The following AGBL4 variants were observed in gnomAD, a reference collection of about 807,000 sequenced individuals.
AGBL4 encodes the protein AGBL carboxypeptidase 4, also known as cytosolic carboxypeptidase 6.
In AGBL4, 58 loss-of-function variants were observed where a neutral mutation model predicts 66.4. The ratio of observed to expected loss-of-function variants is 0.87; its 90% CI spans 0.71 to 1.09. AGBL4 has a LOEUF of 1.09. Ranked by LOEUF, AGBL4 falls within the 50% of genes least tolerant of loss-of-function variation. AGBL4 has a pLI of 0.00. For synonymous variants in AGBL4, 234 were observed against 222.9 expected (o/e 1.05, Z -0.44); for missense variants, 579 against 631.0 (o/e 0.92, Z 0.88).
intron 2 of AGBL4, among the ~76,000 whole-genome samples, chr1:49,783,499 T>C (rs1248569698): frequency 6.6e-6 from 1 of 152,140 alleles, no homozygotes; most frequent in African/African-American, 2.4e-5. Flanking sequence ...AAAGGTACTC[T>C]CTCAACCTGA....
At chr1:49,941,224 G>T (rs1654727710) in intron 1 of AGBL4, among the ~76,000 whole-genome samples, 1 of 152,134 alleles carries the variant, frequency 6.6e-6, no homozygotes, top group African/African-American at 2.4e-5. Flanking sequence ...TATAGAACCA[G>T]ATTACTTCAC....
chr1:48,690,976 C>A (rs898893907), intron 6 of AGBL4, among the ~76,000 whole-genome samples: 12 of 151,864 alleles, frequency 7.9e-5, no homozygotes, highest in Admixed American at 2.6e-4. Context: ...ACCAGCCTGG[C>A]CAATATGGTG....
chr1:49,956,874 G>C (rs1656652735), intron 1 of AGBL4, among the ~76,000 whole-genome samples: 1 of 151,942 alleles, frequency 6.6e-6, no homozygotes, highest in African/African-American at 2.4e-5. Flanking sequence ...TTTGTCAAGA[G>C]CAAAAGATTC....
intron 5 of AGBL4, among the ~76,000 whole-genome samples, chr1:48,900,717 C>A (rs1020036286): frequency 6.6e-6 from 1 of 152,184 alleles, no homozygotes; most frequent in South Asian, 2.1e-4. Flanking sequence ...TACCTCACAC[C>A]ACATATGTAA....
At chr1:49,586,811 A>T (rs1184258978) in intron 3 of AGBL4, among the ~76,000 whole-genome samples, 1 of 152,208 alleles carries the variant, frequency 6.6e-6, no homozygotes, top group Non-Finnish European at 1.5e-5. Flanking sequence ...TTATAAATTA[A>T]AAGGAAAAAT....
intron 3 of AGBL4, among the ~76,000 whole-genome samples, chr1:49,258,644 T>G (rs1652785142): frequency 6.6e-6 from 1 of 152,038 alleles, no homozygotes; most frequent in Admixed American, 6.6e-5. Flanking sequence ...CTCCAAGAAA[T>G]ATGGGACTAT....
intron 3 of AGBL4, among the ~76,000 whole-genome samples, chr1:49,358,972 A>T (rs904071792): frequency 6.6e-6 from 1 of 151,842 alleles, no homozygotes; most frequent in African/African-American, 2.4e-5. Context: ...TCTTCATCTC[A>T]AGAGGAAATG....
intron 1 of AGBL4, among the ~76,000 whole-genome samples, chr1:49,924,134 A>C (rs1652534582): frequency 6.6e-6 from 1 of 152,152 alleles, no homozygotes; most frequent in East Asian, 1.9e-4. Flanking sequence ...AATACTATGC[A>C]TGCAGGGACA....
intron 4 of AGBL4, among the ~76,000 whole-genome samples, chr1:49,142,253 G>A (rs1646132215): frequency 6.6e-6 from 1 of 152,026 alleles, no homozygotes; most frequent in African/African-American, 2.4e-5. Flanking sequence ...ACCAGTCTCT[G>A]GTGCCAAAAA....
At chr1:48,852,113 A>ATT (rs1647048789) in intron 6 of AGBL4, among the ~76,000 whole-genome samples, 1 of 147,010 alleles carries the variant, frequency 6.8e-6, no homozygotes, top group South Asian at 2.1e-4. Context: ...TATTTTAGGG[A>ATT]TGAAAGACTT....
At chr1:49,089,105 G>A (rs1489859374) in intron 4 of AGBL4, among the ~76,000 whole-genome samples, 2 of 151,686 alleles carry the variant, frequency 1.3e-5, no homozygotes, top group Admixed American at 6.6e-5. Context: ...CTAAAACAGT[G>A]TTAAGAGAGA....
chr1:49,035,729 GGTGTGTGTGT>G (rs140975530), intron 5 of AGBL4, among the ~76,000 whole-genome samples: 2 of 149,726 alleles, frequency 1.3e-5, no homozygotes, highest in Non-Finnish European at 1.5e-5. Context: ...ACACTCCTGG[GGTGTGTGTGT>G]GTGTGTGTGT....
At chr1:48,862,020 G>A (rs771622491) in intron 6 of AGBL4, among the ~76,000 whole-genome samples, 58 of 152,204 alleles carry the variant, frequency 3.8e-4, no homozygotes, top group Non-Finnish European at 6.9e-4. Flanking sequence ...ACTCTTTACA[G>A]GGCAAATTTA....
intron 11 of AGBL4, among the ~76,000 whole-genome samples, chr1:48,563,339 C>T (rs1015505183): frequency 6.6e-6 from 1 of 152,208 alleles, no homozygotes; most frequent in Non-Finnish European, 1.5e-5. Context: ...ACAAGAGTTA[C>T]TCACTTAGGC....
chr1:49,911,514 C>G (rs1650828994), intron 1 of AGBL4, among the ~76,000 whole-genome samples: 1 of 152,170 alleles, frequency 6.6e-6, no homozygotes, highest in Non-Finnish European at 1.5e-5. Context: ...AATCAACAAA[C>G]TTGGGACATC....
chr1:49,836,287 T>C (rs2148028638), intron 2 of AGBL4, among the ~76,000 whole-genome samples: 1 of 152,322 alleles, frequency 6.6e-6, no homozygotes, highest in South Asian at 2.1e-4. Context: ...TTTCATTCTT[T>C]TTCTCTAATA....
chr1:49,837,539 A>G (rs1645882386), intron 2 of AGBL4, among the ~76,000 whole-genome samples: 1 of 152,230 alleles, frequency 6.6e-6, no homozygotes, highest in South Asian at 2.1e-4. Context: ...AGTGTCAACT[A>G]TGACAATTAA....
intron 3 of AGBL4, among the ~76,000 whole-genome samples, chr1:49,433,343 CTG>C (rs1264774549): frequency 6.6e-6 from 1 of 152,080 alleles, no homozygotes; most frequent in Non-Finnish European, 1.5e-5. Context: ...AACTCTCAAT[CTG>C]TGGTATCTGA....
intron 6 of AGBL4, among the ~76,000 whole-genome samples, chr1:48,802,777 C>T (rs1030373760): frequency 1.3e-5 from 2 of 152,230 alleles, no homozygotes; most frequent in African/African-American, 4.8e-5. Context: ...CATTATAACA[C>T]ATGGCCTATG....
Sources: gnomAD v4.1 joint callset for allele counts (sites outside exome capture counted in the v4.1 genomes callset) on GRCh38, gnomAD v4.1.1 for gene constraint, MANE v1.5 for transcripts, NCBI Gene and HGNC (gene_info 2026-07-23, HGNC 2026-07-21) for gene names.